Variants in RAB27B observed in about 807,000 individuals in gnomAD.
RAB27B encodes RAB27B, member RAS oncogene family, also known as ras-related protein Rab-27B.
In RAB27B, 15 loss-of-function variants were observed where a neutral mutation model predicts 24.6. That is an observed-to-expected ratio of 0.61 (90% CI 0.41 to 0.94). The LOEUF (loss-of-function observed/expected upper bound fraction) is 0.94, where lower values mean the gene tolerates loss of function less well. RAB27B is among the 40% of genes least tolerant of loss of function. The probability of loss-of-function intolerance (pLI) is 0.00; values close to 1 mark genes in which losing one functional copy is unlikely to be tolerated. For missense variants in RAB27B, 261 were observed against 266.8 expected (o/e 0.98, Z 0.15); for synonymous variants, 105 against 92.5 (o/e 1.14, Z -0.78).
chr18:54,825,903 G>A (rs1220240227), upstream of RAB27B, among the ~76,000 whole-genome samples: 1 of 152,174 alleles, frequency 6.6e-6, no homozygotes, highest in African/African-American at 2.4e-5. Context: ...GCCTGAGCCT[G>A]CCCAGGTTTT....
chr18:54,763,992 A>G (rs1856347371), intron 2 of RAB27B, among the ~76,000 whole-genome samples: 2 of 152,188 alleles, frequency 1.3e-5, no homozygotes, highest in South Asian at 4.1e-4. Context: ...TCTCTCTGCT[A>G]GCTCTGACAT....
intron 2 of RAB27B, among the ~76,000 whole-genome samples, chr18:54,810,844 ATAAATAAAT>A (rs915900350): frequency 1.4e-5 from 2 of 141,172 alleles, no homozygotes; most frequent in African/African-American, 5.2e-5. Flanking sequence ...AAATAAATAA[ATAAATAAAT>A]AAATAAATAA....
intron 2 of RAB27B, among the ~76,000 whole-genome samples, chr18:54,800,571 T>C (rs2145128541): frequency 6.6e-6 from 1 of 152,340 alleles, no homozygotes. Flanking sequence ...TTGCAACTGT[T>C]TGCCATTCTT....
At chr18:54,769,752 G>C (rs1908484095) in intron 2 of RAB27B, among the ~76,000 whole-genome samples, 1 of 152,106 alleles carries the variant, frequency 6.6e-6, no homozygotes, top group South Asian at 2.1e-4. Context: ...TAAATCAGCA[G>C]TCTGATTTCA....
At chr18:54,879,564 G>A in intron 3 of RAB27B, 110 bp downstream of exon 3, 1 of 886,004 alleles carries the variant, frequency 1.1e-6, no homozygotes. Flanking sequence ...TCTTCTCCTG[G>A]TTTCAAAATA....
chr18:54,728,902 C>A (rs201352897), intron 2 of RAB27B, among the ~76,000 whole-genome samples: 177 of 40,394 alleles, frequency 4.4e-3, no homozygotes, highest in Non-Finnish European at 5.1e-3. Context: ...AAAAAAAAAC[C>A]CAAAAAAAAA....
At chr18:54,759,446 T>C (rs1236460881) in intron 2 of RAB27B, among the ~76,000 whole-genome samples, 1 of 152,162 alleles carries the variant, frequency 6.6e-6, no homozygotes, top group African/African-American at 2.4e-5. Context: ...TAATGAGCTC[T>C]GTAGTATGCT....
chr18:54,783,011 G>A (rs2145095095), intron 2 of RAB27B, among the ~76,000 whole-genome samples: 1 of 151,974 alleles, frequency 6.6e-6, no homozygotes. Flanking sequence ...AGGCTGGAGT[G>A]CAGTGGTGTG....
At chr18:54,747,040 A>G (rs1910271881) in intron 2 of RAB27B, among the ~76,000 whole-genome samples, 1 of 152,186 alleles carries the variant, frequency 6.6e-6, no homozygotes, top group Non-Finnish European at 1.5e-5. Context: ...CCATGTATCT[A>G]AAAAATGTGT....
At chr18:54,876,387 G>C (rs7228670) in intron 1 of RAB27B, among the ~76,000 whole-genome samples, 7,623 of 152,192 alleles carry the variant, frequency 0.05, 243 homozygotes, top group Middle Eastern at 0.095. Context: ...ACCCCAGAAT[G>C]CTTCAAGAAT....
chr18:54,866,301 C>T (rs1187208397), intron 1 of RAB27B, among the ~76,000 whole-genome samples: 2 of 152,016 alleles, frequency 1.3e-5, no homozygotes, highest in African/African-American at 2.4e-5. Flanking sequence ...CTGCCCCCCG[C>T]GCCCTGCGCT....
At chr18:54,758,886 T>C (rs1436568714) in intron 2 of RAB27B, among the ~76,000 whole-genome samples, 2 of 152,182 alleles carry the variant, frequency 1.3e-5, no homozygotes, top group African/African-American at 4.8e-5. Context: ...ACTTGCACAA[T>C]CCTGGGCCTC....
chr18:54,774,572 A>T (rs1473818235), intron 2 of RAB27B, among the ~76,000 whole-genome samples: 1 of 152,244 alleles, frequency 6.6e-6, no homozygotes, highest in African/African-American at 2.4e-5. Context: ...AAAAACTGGC[A>T]GTAAAAATGT....
rs1406926038 is a variant in RAB27B, at chr18:54,793,541, G to A, written c.-20+75400G>A. 2.6e-5 allele frequency among the ~76,000 whole-genome samples: 4 copies of A among 152,168 alleles called. No individual in the cohort carries two copies. In the South Asian group the frequency reaches 8.3e-4, roughly 32 times the overall value. On this transcript the variant is annotated intron_variant, in intron 2 of 4. Coordinates refer to the RAB27B transcript ENST00000586570. ...GTTTTCCCAAGTTCTCAATTAAGGG[G>A]CGTTTGGACCAGATAGTCCCTAGGA...
intron 1 of RAB27B, among the ~76,000 whole-genome samples, chr18:54,830,421 A>G (rs1183193758): frequency 1.3e-5 from 2 of 152,202 alleles, no homozygotes; most frequent in Non-Finnish European, 2.9e-5. Context: ...TTACTCATAT[A>G]AAACTCATCT....
At chr18:54,730,638 A>G (rs1391108942) in intron 2 of RAB27B, among the ~76,000 whole-genome samples, 2 of 151,892 alleles carry the variant, frequency 1.3e-5, no homozygotes, top group Non-Finnish European at 2.9e-5. Context: ...ATGAGTTCAC[A>G]TGGGAGCTGG....
chr18:54,843,815 A>G (rs937749863), intron 1 of RAB27B, among the ~76,000 whole-genome samples: 3 of 152,240 alleles, frequency 2.0e-5, no homozygotes, highest in African/African-American at 4.8e-5. Context: ...TTCAAATTCT[A>G]TAAAATTTGG....
chr18:54,780,468 C>CT (rs1908878652), intron 2 of RAB27B, among the ~76,000 whole-genome samples: 1 of 150,436 alleles, frequency 6.6e-6, no homozygotes, highest in South Asian at 2.1e-4. Flanking sequence ...TTCCCCCTCA[C>CT]TGTGTCTCCC....
intron 3 of RAB27B, among the ~76,000 whole-genome samples, chr18:54,881,587 C>A (rs1912926591): frequency 6.6e-6 from 1 of 152,146 alleles, no homozygotes; most frequent in Non-Finnish European, 1.5e-5. Context: ...TGCCATCCTG[C>A]AAACTCAATT....
Sources: gnomAD v4.1 joint callset for allele counts (sites outside exome capture counted in the v4.1 genomes callset) on GRCh38, gnomAD v4.1.1 for gene constraint, MANE v1.5 for transcripts, NCBI Gene and HGNC (gene_info 2026-07-23, HGNC 2026-07-21) for gene names.